SLC5A8: variants seen among roughly 807,000 people sequenced by gnomAD.
SLC5A8 encodes the protein solute carrier family 5 member 8, also known as sodium-coupled monocarboxylate transporter 1.
A neutral mutation model predicts 71.9 loss-of-function variants in SLC5A8; 55 were observed. The observed-to-expected ratio is 0.77, with a 90% CI of 0.62 to 0.96. SLC5A8 has a LOEUF of 0.96. SLC5A8 is among the 40% of genes least tolerant of loss of function. The probability of loss-of-function intolerance (pLI) is 0.00; values close to 1 mark genes in which losing one functional copy is unlikely to be tolerated. For synonymous variants in SLC5A8, 307 were observed against 276.1 expected (o/e 1.11, Z -1.11); for missense variants, 701 against 745.3 (o/e 0.94, Z 0.69).
intron 8 of SLC5A8, 112 bp downstream of exon 8, chr12:101,184,022 T>C (rs113080553): frequency 1.9e-5 from 19 of 1,012,686 alleles, no homozygotes; most frequent in African/African-American, 1.5e-4. Flanking sequence ...ATTGCCTACT[T>C]TGGGCCATCT....
In SLC5A8 at chr12:101,157,257, G is replaced by A; in HGVS notation, c.*22C>T. ...ATATAAAATTGAAACATCATTTAAG[G>A]ATATCTAGTATCAGAGCAGCTTCAC... On this transcript the variant is annotated 3_prime_UTR_variant, in exon 15 of 15. Coordinates refer to ENST00000536262, the MANE Select transcript of SLC5A8 (RefSeq NM_145913.5). The A allele has an allele frequency of 6.2e-7, 1 of 1,603,390 alleles. No individual in the cohort carries two copies. Among genetic ancestry groups the A allele is most frequent in the Non-Finnish European group, 8.5e-7 (1 of 1,174,940 alleles).
At chr12:101,182,979 A>G (rs1446215037) in intron 8 of SLC5A8, 64 bp from the exon 9 acceptor site, 9 of 763,046 alleles carry the variant, frequency 1.2e-5, no homozygotes, top group Non-Finnish European at 1.8e-5. Context: ...TTAAGTGGGA[A>G]TGAGAAAGGG....
chr12:101,190,502 A>G lies in SLC5A8; in HGVS notation c.799T>C (p.Tyr267His), dbSNP rs755757275. The change falls in exon 6 of 15, where the codon TAT becomes CAT. Residue 267 changes from tyrosine (Y) to histidine (H), a missense_variant. Transcript: ENST00000536262. ...TGGAATCTGCTTTTACAAGAAATAT[A>G]TCTCTGCACCTGGGATTGGTTGACA... ...YGVNQSQVQR[Y>H]ISCKSRFQAK... 1.9e-6 allele frequency: 3 copies of G among 1,613,336 alleles called. No homozygotes were observed. The highest frequency in any genetic ancestry group is 2.5e-6 in the Non-Finnish European group (3 of 1,179,718).
chr12:101,197,197 T>A (rs561689510), intron 3 of SLC5A8, among the ~76,000 whole-genome samples: 2 of 152,344 alleles, frequency 1.3e-5, no homozygotes, highest in South Asian at 4.1e-4. Context: ...CCCTTTCCTA[T>A]ACAAACTATT....
At position 101,195,168 on chromosome 12, in the gene SLC5A8, G is replaced by GA. The variant is rs759926672; in HGVS notation, c.470-7dup. 8 of 1,613,266 alleles carry GA rather than the reference G, an allele frequency of 5.0e-6. No individual in the cohort carries two copies. In the East Asian group the frequency reaches 6.7e-5, roughly 13 times the overall value. On this transcript the variant is annotated splice_polypyrimidine_tract_variant and splice_region_variant and intron_variant, in intron 3 of 14. Coordinates refer to ENST00000536262, the MANE Select transcript of SLC5A8 (RefSeq NM_145913.5). ...CCACAGATCAAATCCTGTGACTGTAGAAAAAAATAGAATGCATATATAATT... is the reference window on the plus strand; with the variant it reads ...CCACAGATCAAATCCTGTGACTGTAGAAAAAAAATAGAATGCATATATAATT...
chr12:101,204,572 C>CAAA lies in SLC5A8; in HGVS notation c.352-10_352-8dup. Reference sequence around the variant, plus strand: ...TAAATCGAAGTTCTAAATACTGTTGCAAAAAAAAAAATTATGCGAATCCTC... The same window carrying CAAA: ...TAAATCGAAGTTCTAAATACTGTTGCAAAAAAAAAAAAAATTATGCGAATCCTC... On this transcript the variant is annotated splice_polypyrimidine_tract_variant and splice_region_variant and intron_variant, in intron 1 of 14. Transcript: ENST00000536262. The CAAA allele has an allele frequency of 3.9e-6, 5 of 1,270,618 alleles. No homozygotes were observed. The highest frequency in any genetic ancestry group is 5.3e-6 in the Non-Finnish European group (5 of 941,400). 78.7% of individuals were successfully genotyped at this position (1,270,618 alleles called of 1,614,324 possible). A position where few individuals can be genotyped will look rare whatever the true frequency, so the allele number is the denominator to read the frequency against.
chr12:101,158,612 A>C (rs1413609011), intron 13 of SLC5A8, among the ~76,000 whole-genome samples: 68 of 103,694 alleles, frequency 6.6e-4, no homozygotes, highest in Non-Finnish European at 8.1e-4. Context: ...ATATATATAT[A>C]TATATATATA....
At chr12:101,185,773 T>A (rs1868608850) in intron 7 of SLC5A8, among the ~76,000 whole-genome samples, 1 of 152,168 alleles carries the variant, frequency 6.6e-6, no homozygotes, top group African/African-American at 2.4e-5. Flanking sequence ...GAGACGGATT[T>A]TACCATGTTG....
intron 6 of SLC5A8, among the ~76,000 whole-genome samples, chr12:101,189,277 A>G (rs1351619524): frequency 3.3e-5 from 5 of 152,182 alleles, no homozygotes; most frequent in Admixed American, 2.0e-4. Flanking sequence ...GTAAAATACC[A>G]GAATTCCTAA....
intron 3 of SLC5A8, among the ~76,000 whole-genome samples, chr12:101,200,203 CAG>C (rs1273223121): frequency 6.6e-6 from 1 of 151,764 alleles, no homozygotes; most frequent in African/African-American, 2.4e-5. Flanking sequence ...TAGCATAACT[CAG>C]AAAATGATTT....
At chr12:101,167,517 T>C (rs1256869627) in intron 11 of SLC5A8, among the ~76,000 whole-genome samples, 1 of 152,234 alleles carries the variant, frequency 6.6e-6, no homozygotes, top group African/African-American at 2.4e-5. Context: ...CTAGCTCATT[T>C]ATTCCAAACA....
chr12:101,188,169 T>G (rs748147104), intron 6 of SLC5A8, among the ~76,000 whole-genome samples: 24 of 152,228 alleles, frequency 1.6e-4, no homozygotes, highest in Non-Finnish European at 2.4e-4. Context: ...GATCTTCAGT[T>G]TCTTCACTGA....
chr12:101,164,254 A>G (rs902608455), intron 12 of SLC5A8, among the ~76,000 whole-genome samples: 1 of 152,216 alleles, frequency 6.6e-6, no homozygotes, highest in Admixed American at 6.5e-5. Context: ...CTATGTAAGT[A>G]AGAAAAAGAC....
intron 10 of SLC5A8, among the ~76,000 whole-genome samples, chr12:101,172,983 G>T (rs2051844366): frequency 6.6e-6 from 1 of 152,120 alleles, no homozygotes; most frequent in Non-Finnish European, 1.5e-5. Context: ...CGCCACAGTG[G>T]CTCCCCTTCT....
chr12:101,169,133 A>G lies in SLC5A8; in HGVS notation c.1234-951T>C, dbSNP rs145655409. Among the ~76,000 whole-genome samples, 281 of 152,336 alleles carry G rather than the reference A, an allele frequency of 1.8e-3. 1 individual carries two copies. The highest frequency in any genetic ancestry group is 3.2e-3 in the Admixed American group (49 of 15,302). On this transcript the variant is annotated intron_variant, in intron 10 of 14. Coordinates refer to ENST00000536262, the MANE Select transcript of SLC5A8 (RefSeq NM_145913.5). ...GAGTCAGTTTACACACAGTCCAGTC[A>G]GAAGGGAGATAGACTTCACTGCAAG...
At chr12:101,203,090 ACCTTCCTAACACTTAT>A (rs1437995164) in intron 2 of SLC5A8, among the ~76,000 whole-genome samples, 1 of 152,142 alleles carries the variant, frequency 6.6e-6, no homozygotes, top group Non-Finnish European at 1.5e-5. Context: ...ACCACAGGCC[ACCTTCCTAACACTTAT>A]CCCTACTTCT....
intron 1 of SLC5A8, among the ~76,000 whole-genome samples, chr12:101,205,433 G>T (rs1869638060): frequency 6.6e-6 from 1 of 152,070 alleles, no homozygotes; most frequent in Non-Finnish European, 1.5e-5. Flanking sequence ...GTTATATAAT[G>T]TATTATAATA....
At chr12:101,186,035 C>T (rs1343099304) in intron 7 of SLC5A8, among the ~76,000 whole-genome samples, 1 of 151,154 alleles carries the variant, frequency 6.6e-6, no homozygotes, top group Admixed American at 6.6e-5. Flanking sequence ...GCAAGACACC[C>T]TGAATGTATT....
At chr12:101,194,891 G>GA (rs1484510339) in intron 4 of SLC5A8, among the ~76,000 whole-genome samples, 19 of 152,014 alleles carry the variant, frequency 1.2e-4, no homozygotes, top group Non-Finnish European at 1.0e-4. Context: ...TCAGATAAAA[G>GA]AAAAAATTTC....
Sources: gnomAD v4.1 joint callset for allele counts (sites outside exome capture counted in the v4.1 genomes callset) on GRCh38, gnomAD v4.1.1 for gene constraint, MANE v1.5 for transcripts, NCBI Gene and HGNC (gene_info 2026-07-23, HGNC 2026-07-21) for gene names.